The following BCL11A variants were observed in gnomAD, a reference collection of about 807,000 sequenced individuals.
BCL11A encodes the protein BCL11 transcription factor A, also known as B cell CLL/lymphoma 11A.
In BCL11A, 2 loss-of-function variants were observed where a neutral mutation model predicts 55.9. The observed-to-expected ratio is 0.04, with a 90% CI of 0.01 to 0.11. The LOEUF (loss-of-function observed/expected upper bound fraction) is 0.11, where lower values mean the gene tolerates loss of function less well. Among genes scored for constraint, BCL11A ranks in the 10% least tolerant of loss-of-function variants. BCL11A has a pLI of 1.00. For synonymous variants in BCL11A, 465 were observed against 473.4 expected, an observed-to-expected ratio of 0.98 and a Z score of 0.23; for missense variants, 817 against 1,137.1, an observed-to-expected ratio of 0.72 and a Z score of 4.05.
At chr2:60,482,892 C>T (rs554492171) in intron 2 of BCL11A, among the ~76,000 whole-genome samples, 8 of 152,208 alleles carry the variant, frequency 5.3e-5, no homozygotes, top group Non-Finnish European at 1.2e-4. Context: ...TAATTGATAG[C>T]AGAGTCAAGC....
chr2:60,537,757 A>G (rs1669734780), intron 2 of BCL11A: 1 of 152,364 alleles, frequency 6.6e-6, no homozygotes, highest in East Asian at 1.9e-4. Flanking sequence ...ATGCTTAGCA[A>G]AAAGCTTCCT....
intron 3 of BCL11A, among the ~76,000 whole-genome samples, chr2:60,465,300 C>T (rs1175802000): frequency 6.6e-6 from 1 of 152,188 alleles, no homozygotes; most frequent in Non-Finnish European, 1.5e-5. Context: ...ATTAGGGCTA[C>T]ATTGATTTAT....
At chr2:60,493,578 G>T (rs1339717467) in intron 2 of BCL11A, among the ~76,000 whole-genome samples, 2 of 152,156 alleles carry the variant, frequency 1.3e-5, no homozygotes, top group African/African-American at 4.8e-5. Flanking sequence ...GCATTCATTT[G>T]AATCAGGCCA....
At chr2:60,531,079 C>T (rs1350137093) in intron 2 of BCL11A, among the ~76,000 whole-genome samples, 1 of 152,126 alleles carries the variant, frequency 6.6e-6, no homozygotes, top group African/African-American at 2.4e-5. Flanking sequence ...TTGCCACTAA[C>T]CTCTTTTCTT....
chr2:60,468,930 A>G (rs1260800818), intron 2 of BCL11A, 97 bp from the exon 3 acceptor site: 4 of 742,474 alleles, frequency 5.4e-6, no homozygotes, highest in African/African-American at 3.6e-5. Context: ...ATAGATTACA[A>G]CATCATTACA....
intron 2 of BCL11A, among the ~76,000 whole-genome samples, chr2:60,474,328 C>T (rs1332906908): frequency 6.6e-6 from 1 of 152,026 alleles, no homozygotes; most frequent in Non-Finnish European, 1.5e-5. Flanking sequence ...AAAAATCTTG[C>T]TTTTCTGAAA....
chr2:60,487,054 G>A (rs558694898), intron 2 of BCL11A, among the ~76,000 whole-genome samples: 3 of 152,236 alleles, frequency 2.0e-5, no homozygotes, highest in Non-Finnish European at 4.4e-5. Flanking sequence ...ATTTAGGAGC[G>A]CTAGACACAG....
Position 60,459,493 on chromosome 2 carries a change from T to C in BCL11A, c.*911A>G, listed in dbSNP as rs1676112873. On this transcript the variant is annotated 3_prime_UTR_variant, in exon 4 of 4. Coordinates refer to ENST00000642384, the MANE Select transcript of BCL11A (RefSeq NM_022893.4). ...ATCAGTTTTGTTTATAAAATTAAAC[T>C]AAAGGAAAAATGATGATTAACTAGG... 1.3e-5 allele frequency: 13 copies of C among 1,021,346 alleles called. No homozygotes were observed. Among genetic ancestry groups the C allele is most frequent in the Non-Finnish European group, 1.5e-5 (13 of 850,792 alleles). 63.3% of individuals were successfully genotyped at this position (1,021,346 alleles called of 1,614,324 possible). A position where few individuals can be genotyped will look rare whatever the true frequency, so the allele number is the denominator to read the frequency against.
At chr2:60,473,782 G>A (rs1348226950) in intron 2 of BCL11A, among the ~76,000 whole-genome samples, 1 of 152,206 alleles carries the variant, frequency 6.6e-6, no homozygotes, top group Non-Finnish European at 1.5e-5. Flanking sequence ...TAATGAAAAT[G>A]TGCCAGCTTT....
At position 60,542,461 on chromosome 2, in the gene BCL11A, T is replaced by C. The variant is rs1293603261; in HGVS notation, c.385+3510A>G. 3 of 152,272 alleles carry C rather than the reference T, an allele frequency of 2.0e-5. No individual in the cohort carries two copies. In the East Asian group the frequency reaches 5.8e-4, roughly 29 times the overall value. 9.4% of individuals were successfully genotyped at this position (152,272 alleles called of 1,614,324 possible). On this transcript the variant is annotated intron_variant, in intron 2 of 3. Coordinates refer to ENST00000642384, the MANE Select transcript of BCL11A (RefSeq NM_022893.4). Reference sequence around the variant, plus strand: ...AAAACAAAACCCCTATTGAAAGCTCTGACTGCAAGTCAAAGGCTGCTGATA... The same window carrying C: ...AAAACAAAACCCCTATTGAAAGCTCCGACTGCAAGTCAAAGGCTGCTGATA...
rs369981685 is a variant in BCL11A, at chr2:60,491,142, C to T, written c.386-22309G>A. Among the ~76,000 whole-genome samples the T allele has an allele frequency of 2.0e-3, 309 of 152,302 alleles. 1 individual carries two copies. The highest frequency in any genetic ancestry group is 7.1e-3 in the African/African-American group (294 of 41,564). On this transcript the variant is annotated intron_variant, in intron 2 of 3. Transcript: ENST00000642384. ...ATCTTCTATATGTGAAGCCCAACTA[C>T]GTGGTTGTGCAACTCTATAGCTGAC...
rs148835771 is a variant in BCL11A at position 60,510,138 on chromosome 2, T to C, written c.385+35833A>G. On this transcript the variant is annotated intron_variant, in intron 2 of 3. Coordinates refer to ENST00000642384, the MANE Select transcript of BCL11A (RefSeq NM_022893.4). ...TGACTGCTTCTGCCTCACTTTCCCA[T>C]GCTTGAGTCTCAAAATGCGGCCCAA... Among the ~76,000 whole-genome samples the C allele has an allele frequency of 3.9e-5, 6 of 152,274 alleles. No individual in the cohort carries two copies. The East Asian group carries it at 1.2e-3, about 29-fold the overall frequency.
At chr2:60,538,737 C>CTGTGTGTGTG (rs771828867) in intron 2 of BCL11A, among the ~76,000 whole-genome samples, 27 of 118,754 alleles carry the variant, frequency 2.3e-4, no homozygotes, top group African/African-American at 8.7e-4. Flanking sequence ...CTCTCTCTCT[C>CTGTGTGTGTG]TCTGTGTGTG....
At chr2:60,520,815 G>A (rs776587386) in intron 2 of BCL11A, among the ~76,000 whole-genome samples, 1 of 140,952 alleles carries the variant, frequency 7.1e-6, no homozygotes, top group Non-Finnish European at 1.5e-5. Context: ...GCCACCAACC[G>A]AACCAAAAAC....
downstream of BCL11A, among the ~76,000 whole-genome samples, chr2:60,455,650 C>T (rs975278379): frequency 6.6e-6 from 1 of 152,184 alleles, no homozygotes; most frequent in African/African-American, 2.4e-5. Flanking sequence ...ACCATTAATT[C>T]TGTCTGTCAG....
intron 1 of BCL11A, among the ~76,000 whole-genome samples, chr2:60,551,782 G>A (rs1399817311): frequency 4.0e-5 from 6 of 150,704 alleles, no homozygotes; most frequent in Non-Finnish European, 7.4e-5. Context: ...GTGGGCGCCG[G>A]GCGCCGGGTG....
chr2:60,461,056 T>C lies in BCL11A; in HGVS notation c.1856A>G (p.Lys619Arg), dbSNP rs756295755. Residue 619 changes from lysine to arginine, a missense_variant, in exon 4 of 4, where the codon AAA (lysine) becomes AGA (arginine). Lys to Arg is a conservative substitution (Grantham distance 26). Transcript: ENST00000642384. ...PGESASGGLSKKLLLGSPSSL... is the reference protein window; with the variant it reads ...PGESASGGLSRKLLLGSPSSL... Reference sequence around the variant, plus strand: ...GCTGGGGCTGCCCAGCAGCAGCTTTTTGGACAGGCCCCCCGAGGCCGACTC... The same window carrying C: ...GCTGGGGCTGCCCAGCAGCAGCTTTCTGGACAGGCCCCCCGAGGCCGACTC... 9 of 1,606,326 alleles carry C rather than the reference T, an allele frequency of 5.6e-6. No individual in the cohort carries two copies. Among genetic ancestry groups the C allele is most frequent in the South Asian group, 2.2e-5 (2 of 90,720 alleles).
chr2:60,546,948 T>C lies in BCL11A; in HGVS notation c.56-648A>G, dbSNP rs1369435826. 1.3e-5 allele frequency among the ~76,000 whole-genome samples: 2 copies of C among 152,228 alleles called. No individual in the cohort carries two copies. The highest frequency in any genetic ancestry group is 2.1e-4 in the South Asian group (1 of 4,832). The stretch of plus-strand genomic sequence containing the variant: ...ATGAAACGGATCTAAATAATAATCA[T>C]GTCGCAGCATAATTCACACTGCCAA... On this transcript the variant is annotated intron_variant, in intron 1 of 3. Coordinates refer to ENST00000642384, the MANE Select transcript of BCL11A (RefSeq NM_022893.4). The surrounding 1 kb of genome is among the most constrained non-coding windows in gnomAD (Gnocchi z 4.1).
chr2:60,501,093 T>C (rs1679253017), intron 2 of BCL11A, among the ~76,000 whole-genome samples: 1 of 152,222 alleles, frequency 6.6e-6, no homozygotes, highest in South Asian at 2.1e-4. Context: ...ACATGAGACA[T>C]CTTTGGCACA....
Sources: allele counts gnomAD v4.1 joint callset (sites outside exome capture counted in the v4.1 genomes callset), GRCh38; gene constraint gnomAD v4.1.1; non-coding constraint Gnocchi (gnomAD v3.1); transcripts MANE v1.5; gene names NCBI Gene and HGNC (gene_info 2026-07-23, HGNC 2026-07-21).